MYO16: variants seen among roughly 807,000 people sequenced by gnomAD.
MYO16 encodes the protein unconventional myosin-XVI.
Under a neutral mutation model 205.3 loss-of-function variants are expected in MYO16, and 94 were observed. The ratio of observed to expected loss-of-function variants is 0.46; its 90% CI spans 0.39 to 0.54. The LOEUF (loss-of-function observed/expected upper bound fraction) is 0.54, where lower values mean the gene tolerates loss of function less well. Ranked by LOEUF, MYO16 falls within the 20% of genes least tolerant of loss-of-function variation. The pLI, the probability that MYO16 is intolerant of heterozygous loss-of-function variation, is 0.00. For missense variants in MYO16, 2,315 were observed against 2,387.5 expected (o/e 0.97, Z 0.63); for synonymous variants, 988 against 954.0 (o/e 1.04, Z -0.66).
chr13:108,689,830 A>G (rs1882822111), intron 2 of MYO16, among the ~76,000 whole-genome samples: 1 of 152,200 alleles, frequency 6.6e-6, no homozygotes, highest in African/African-American at 2.4e-5. Flanking sequence ...AGCAGAAAAT[A>G]ATCGATTAAT....
At chr13:108,979,243 AT>A (rs368336437) in intron 20 of MYO16, among the ~76,000 whole-genome samples, 1 of 149,702 alleles carries the variant, frequency 6.7e-6, no homozygotes, top group Non-Finnish European at 1.5e-5. Flanking sequence ...TTTTTGGGTG[AT>A]TTTTTTTTCC....
intron 7 of MYO16, among the ~76,000 whole-genome samples, chr13:108,809,756 C>G (rs966438235): frequency 2.0e-5 from 3 of 152,194 alleles, no homozygotes; most frequent in Non-Finnish European, 2.9e-5. Flanking sequence ...CAAACTATAT[C>G]AGGCATTATG....
intron 34 of MYO16, among the ~76,000 whole-genome samples, chr13:109,194,369 T>A (rs1195651863): frequency 6.6e-6 from 1 of 152,206 alleles, no homozygotes; most frequent in Non-Finnish European, 1.5e-5. Flanking sequence ...TCTACCACTT[T>A]CTAGCCAAGT....
chr13:108,845,149 C>A (rs1715376364), intron 10 of MYO16, among the ~76,000 whole-genome samples: 2 of 152,108 alleles, frequency 1.3e-5, no homozygotes, highest in African/African-American at 2.4e-5. Context: ...TTCAGTGTAT[C>A]TAATTTTTAA....
Position 109,181,122 on chromosome 13 carries a change from G to A in MYO16, c.5415+1489G>A, listed in dbSNP as rs544297624. On this transcript the variant is annotated intron_variant, in intron 34 of 34. Transcript: ENST00000457511. The stretch of plus-strand genomic sequence containing the variant: ...TGACTTTTCCTCTGTGTTTGGCTAA[G>A]AATCAAAGAGAGATGAGAAAGGTCA... 2.0e-5 allele frequency among the ~76,000 whole-genome samples: 3 copies of A among 152,360 alleles called. No individual in the cohort carries two copies. The South Asian group carries it at 6.2e-4, about 32-fold the overall frequency.
chr13:108,853,234 G>T (rs968301133), intron 10 of MYO16, among the ~76,000 whole-genome samples: 1 of 152,136 alleles, frequency 6.6e-6, no homozygotes, highest in African/African-American at 2.4e-5. Flanking sequence ...ATGTGAAAAA[G>T]TTGATATCAA....
At chr13:109,023,686 C>CAT (rs1427059673) in intron 23 of MYO16, among the ~76,000 whole-genome samples, 4 of 118,900 alleles carry the variant, frequency 3.4e-5, no homozygotes, top group Non-Finnish European at 6.6e-5. Context: ...TGTATATATA[C>CAT]ATATATATGT....
At chr13:109,109,854 T>C (rs770853997) in intron 28 of MYO16, among the ~76,000 whole-genome samples, 1 of 152,166 alleles carries the variant, frequency 6.6e-6, no homozygotes, top group East Asian at 1.9e-4. Context: ...GACAGACATA[T>C]GCAGAATTAG....
intron 27 of MYO16, among the ~76,000 whole-genome samples, chr13:109,095,141 A>G (rs895727016): frequency 2.6e-5 from 4 of 152,254 alleles, no homozygotes; most frequent in African/African-American, 4.8e-5. Flanking sequence ...AGGATAAGAC[A>G]GGAAGAGCAG....
At chr13:108,716,321 G>A (rs1267061305) in intron 3 of MYO16, among the ~76,000 whole-genome samples, 1 of 152,170 alleles carries the variant, frequency 6.6e-6, no homozygotes, top group Non-Finnish European at 1.5e-5. Flanking sequence ...AAATGAGAAG[G>A]TTAAACTGAT....
intron 4 of MYO16, among the ~76,000 whole-genome samples, chr13:108,778,922 G>C (rs1341567921): frequency 6.6e-6 from 1 of 152,204 alleles, no homozygotes; most frequent in African/African-American, 2.4e-5. Flanking sequence ...TCTGTTGTTT[G>C]TTTGTTTGTT....
intron 27 of MYO16, among the ~76,000 whole-genome samples, chr13:109,085,762 T>C (rs1888420557): frequency 6.6e-6 from 1 of 152,118 alleles, no homozygotes; most frequent in African/African-American, 2.4e-5. Flanking sequence ...CCAGGGTCTA[T>C]AAGGGACACT....
chr13:108,618,827 A>C (rs570904190), intron 1 of MYO16, among the ~76,000 whole-genome samples: 1 of 152,314 alleles, frequency 6.6e-6, no homozygotes, highest in African/African-American at 2.4e-5. Context: ...TACAACACTT[A>C]AACAATAGAT....
intron 34 of MYO16, among the ~76,000 whole-genome samples, chr13:109,199,152 A>G (rs981163512): frequency 1.4e-5 from 2 of 144,810 alleles, no homozygotes; most frequent in Non-Finnish European, 3.0e-5. Flanking sequence ...ACTTTCCTCC[A>G]TAAAGCTTCC....
At chr13:109,098,155 G>A (rs1323017040) in intron 27 of MYO16, among the ~76,000 whole-genome samples, 3 of 143,764 alleles carry the variant, frequency 2.1e-5, no homozygotes, top group African/African-American at 7.7e-5. Context: ...GAACCTTCTT[G>A]TTCTCTCTAT....
Position 109,140,790 on chromosome 13 carries a change from C to G in MYO16, c.4578C>G (p.Pro1526=). The change falls in exon 32 of 35, where the codon CCC becomes CCG. Residue 1526 remains proline (P), a synonymous_variant. Coordinates refer to ENST00000457511, the MANE Select transcript of MYO16 (RefSeq NM_001198950.3). The surrounding 1 kb of genome is among the most constrained non-coding windows in gnomAD (Gnocchi z 8.0). ...CCCCGACCCCCGTCACCTGCTCCCC[C>G]GCCTCCGACGAGTCGCCCCTGACAC... ...VFPPTPVTCS[P]ASDESPLTPL... is the part of the protein sequence containing the mutation. 1 of 1,577,002 alleles carries G rather than the reference C, an allele frequency of 6.3e-7. No homozygotes were observed. The highest frequency in any genetic ancestry group is 1.4e-5 in the African/African-American group (1 of 71,344).
chr13:108,628,255 C>G (rs1055139347), upstream of MYO16, among the ~76,000 whole-genome samples: 2 of 152,122 alleles, frequency 1.3e-5, no homozygotes, highest in Admixed American at 1.3e-4. Flanking sequence ...GTGGAATCAA[C>G]GAATAAATGA....
intron 10 of MYO16, among the ~76,000 whole-genome samples, chr13:108,844,908 G>A (rs1401682414): frequency 6.6e-6 from 1 of 152,060 alleles, no homozygotes; most frequent in African/African-American, 2.4e-5. Flanking sequence ...GTCATGCATT[G>A]CATGTGTATC....
At chr13:108,689,218 G>T (rs992667720) in intron 2 of MYO16, among the ~76,000 whole-genome samples, 15 of 151,984 alleles carry the variant, frequency 9.9e-5, no homozygotes, top group African/African-American at 3.4e-4. Flanking sequence ...TTTCAAATCT[G>T]CTAATCCTAA....
Sources: allele counts gnomAD v4.1 joint callset (sites outside exome capture counted in the v4.1 genomes callset), GRCh38; gene constraint gnomAD v4.1.1; non-coding constraint Gnocchi (gnomAD v3.1); transcripts MANE v1.5; gene names NCBI Gene and HGNC (gene_info 2026-07-23, HGNC 2026-07-21).